The following NKIRAS1 variants were observed in gnomAD, a reference collection of about 807,000 sequenced individuals.
NKIRAS1 encodes NF-kappa-B inhibitor-interacting Ras-like protein 1.
NKIRAS1 carries 16 observed loss-of-function variants against 19.8 expected under a neutral mutation model. That is an observed-to-expected ratio of 0.81 (90% CI 0.55 to 1.23). NKIRAS1 has a LOEUF of 1.23. NKIRAS1 is among the 50% of genes most tolerant of loss of function. The probability of loss-of-function intolerance (pLI) is 0.00; values close to 1 mark genes in which losing one functional copy is unlikely to be tolerated. For missense variants in NKIRAS1, 184 were observed against 220.0 expected (o/e 0.84, Z 1.04); for synonymous variants, 88 against 79.0 (o/e 1.11, Z -0.61).
upstream of NKIRAS1, chr3:23,919,127 A>G (rs1704922684): frequency 1.9e-6 from 2 of 1,078,558 alleles, no homozygotes; most frequent in East Asian, 2.4e-5. Flanking sequence ...GTTGAGAATT[A>G]AAATTCTTTC....
At chr3:23,945,541 G>A in intron 1 of NKIRAS1, 1 of 1,142,970 alleles carries the variant, frequency 8.7e-7, no homozygotes, top group Non-Finnish European at 1.1e-6. Flanking sequence ...CCCCCTCTGC[G>A]GGAAGCGGGC....
chr3:23,901,548 A>C (rs750488813), intron 3 of NKIRAS1, among the ~76,000 whole-genome samples: 1 of 152,104 alleles, frequency 6.6e-6, no homozygotes, highest in Non-Finnish European at 1.5e-5. Flanking sequence ...CTTGTTTATG[A>C]TCTTTTAAAA....
chr3:23,932,155 A>G (rs577434901), intron 1 of NKIRAS1, among the ~76,000 whole-genome samples: 13 of 152,302 alleles, frequency 8.5e-5, no homozygotes, highest in African/African-American at 3.1e-4. Context: ...TCATAGAGTG[A>G]CAGAGTTTGC....
intron 1 of NKIRAS1, among the ~76,000 whole-genome samples, chr3:23,914,251 G>A (rs1704068873): frequency 2.6e-5 from 4 of 151,090 alleles, no homozygotes; most frequent in Admixed American, 2.0e-4. Context: ...TCTTTGAAGA[G>A]CCATCAGAAA....
At chr3:23,928,729 C>T (rs373201625) in intron 1 of NKIRAS1, among the ~76,000 whole-genome samples, 1 of 147,166 alleles carries the variant, frequency 6.8e-6, no homozygotes, top group East Asian at 2.0e-4. Context: ...CTGTGACTCA[C>T]ACCTGTAATC....
At chr3:23,901,483 G>A (rs56096478) in intron 3 of NKIRAS1, among the ~76,000 whole-genome samples, 2,105 of 152,068 alleles carry the variant, frequency 0.014, 57 homozygotes, top group African/African-American at 0.048. Context: ...TGCACCTGGC[G>A]TAAACAAAAT....
intron 1 of NKIRAS1, among the ~76,000 whole-genome samples, chr3:23,913,095 C>T (rs1257253967): frequency 6.7e-6 from 1 of 148,772 alleles, no homozygotes; most frequent in Non-Finnish European, 1.5e-5. Context: ...TTTGATCACT[C>T]ATTGATAATA....
intron 1 of NKIRAS1, among the ~76,000 whole-genome samples, chr3:23,941,626 C>T (rs1243419488): frequency 6.6e-6 from 1 of 152,038 alleles, no homozygotes; most frequent in East Asian, 1.9e-4. Context: ...CAATTTCCAC[C>T]GCAGCTACAG....
intron 4 of NKIRAS1, among the ~76,000 whole-genome samples, chr3:23,897,429 T>A (rs1166912381): frequency 6.6e-6 from 1 of 152,164 alleles, no homozygotes; most frequent in Admixed American, 6.5e-5. Context: ...TGTGCAAACA[T>A]TACTTATTCA....
chr3:23,899,241 G>A (rs1013967202), intron 4 of NKIRAS1, among the ~76,000 whole-genome samples: 5 of 152,278 alleles, frequency 3.3e-5, no homozygotes, highest in East Asian at 3.9e-4. Flanking sequence ...TGATGGAAAC[G>A]TTCTGTGTCT....
chr3:23,933,987 T>C (rs1172694951), intron 1 of NKIRAS1, among the ~76,000 whole-genome samples: 1 of 152,242 alleles, frequency 6.6e-6, no homozygotes, highest in Non-Finnish European at 1.5e-5. Context: ...ATGAGGGGTC[T>C]GCCCTCGTGA....
At chr3:23,945,231 G>A (rs1335955172) in intron 1 of NKIRAS1, 1 of 150,808 alleles carries the variant, frequency 6.6e-6, no homozygotes, top group Non-Finnish European at 1.5e-5. Context: ...CCGGCCGAGG[G>A]CGGGCGGAGG....
intron 4 of NKIRAS1, among the ~76,000 whole-genome samples, chr3:23,895,385 C>T (rs549679527): frequency 6.6e-6 from 1 of 152,276 alleles, no homozygotes; most frequent in South Asian, 2.1e-4. Flanking sequence ...CCTTCCCAGT[C>T]ATGCCTAATG....
Position 23,893,113 on chromosome 3 carries a change from G to T in NKIRAS1, c.561C>A (p.Asn187Lys). 6.4e-7 allele frequency: 1 copy of T among 1,570,354 alleles called. No individual in the cohort carries two copies. The highest frequency in any genetic ancestry group is 8.6e-7 in the Non-Finnish European group (1 of 1,162,098). Reference protein sequence around the residue: ...FPLPGRKNKGNSNSEN With the variant: ...FPLPGRKNKGKSNSEN ...CTGATTTTTAGTTCTCAGAATTAGA[G>T]TTCCCTTTGTTTTTCCTCCCAGGCA... Residue 187 changes from asparagine (N) to lysine (K), a missense_variant, in exon 5 of 5, where the codon AAC (asparagine) becomes AAA (lysine). Coordinates refer to ENST00000425478, the MANE Select transcript of NKIRAS1 (RefSeq NM_020345.4).
upstream of NKIRAS1, chr3:23,918,297 CTG>C: frequency 9.6e-7 from 1 of 1,040,438 alleles, no homozygotes; most frequent in Non-Finnish European, 1.4e-6. Flanking sequence ...TTGAAAAAGA[CTG>C]GGATGTGTTT....
intron 3 of NKIRAS1, among the ~76,000 whole-genome samples, chr3:23,904,577 A>T (rs1014098591): frequency 2.0e-5 from 3 of 152,192 alleles, no homozygotes; most frequent in Non-Finnish European, 4.4e-5. Context: ...ATACTGTTAC[A>T]TTGGAGATTA....
intron 3 of NKIRAS1, among the ~76,000 whole-genome samples, chr3:23,907,014 C>T (rs937981968): frequency 1.7e-4 from 26 of 152,170 alleles, no homozygotes; most frequent in African/African-American, 5.8e-4. Flanking sequence ...ATGACTCAGC[C>T]TCCTAGATAG....
chr3:23,895,134 T>A (rs551290618), intron 4 of NKIRAS1, among the ~76,000 whole-genome samples: 74 of 152,322 alleles, frequency 4.9e-4, no homozygotes, highest in Non-Finnish European at 7.8e-4. Flanking sequence ...AGCCTTGATC[T>A]TCTGGGCTCA....
upstream of NKIRAS1, chr3:23,919,798 C>T: frequency 9.2e-7 from 1 of 1,086,342 alleles, no homozygotes; most frequent in Non-Finnish European, 1.1e-6. Flanking sequence ...AGAACTGAAA[C>T]TAGCCCTGTA....
Sources: allele counts gnomAD v4.1 joint callset (sites outside exome capture counted in the v4.1 genomes callset), GRCh38; gene constraint gnomAD v4.1.1; transcripts MANE v1.5; gene names NCBI Gene and HGNC (gene_info 2026-07-23, HGNC 2026-07-21).